The following UBAP2L variants were observed in gnomAD, a reference collection of about 807,000 sequenced individuals.
UBAP2L encodes the protein ubiquitin-associated protein 2-like.
Under a neutral mutation model 130.6 loss-of-function variants are expected in UBAP2L, and 12 were observed. That is an observed-to-expected ratio of 0.09 (90% CI 0.06 to 0.15). The LOEUF is 0.15. Ranked by LOEUF, UBAP2L falls within the 10% of genes least tolerant of loss-of-function variation. UBAP2L has a pLI of 1.00. For missense variants in UBAP2L, 965 were observed against 1,332.5 expected (o/e 0.72, Z 4.29); for synonymous variants, 503 against 524.7 (o/e 0.96, Z 0.57).
chr1:154,236,533 ATC>A, intron 6 of UBAP2L, 31 bp from the exon 7 acceptor site: 1 of 1,612,960 alleles, frequency 6.2e-7, no homozygotes, highest in Non-Finnish European at 8.5e-7. Flanking sequence ...TCTAAAATAC[ATC>A]TCTCTTCTCT....
At position 154,257,044 on chromosome 1, in the gene UBAP2L, A is replaced by G. The variant is rs1322690106; in HGVS notation, c.2158-19A>G. 1.9e-6 allele frequency: 3 copies of G among 1,607,610 alleles called. No individual in the cohort carries two copies. Among genetic ancestry groups the G allele is most frequent in the Admixed American group, 3.3e-5 (2 of 59,768 alleles). On this transcript the variant is annotated intron_variant, in intron 18 of 26. Coordinates refer to ENST00000428931, the MANE Select transcript of UBAP2L (RefSeq NM_014847.4). Reference sequence around the variant, plus strand: ...GATCTCTTTTCTTCTTCTCTCTTCCACTGCTCCCCCTTTTGAAGCACACAA... The same window carrying G: ...GATCTCTTTTCTTCTTCTCTCTTCCGCTGCTCCCCCTTTTGAAGCACACAA...
upstream of UBAP2L, chr1:154,220,467 C>T (rs1256161601): frequency 1.4e-5 from 22 of 1,599,012 alleles, no homozygotes; most frequent in Non-Finnish European, 1.9e-5. Flanking sequence ...CTGGTCAGCC[C>T]AGGCTCCGCC....
chr1:154,261,238 T>C lies in UBAP2L; in HGVS notation c.2796+129T>C, dbSNP rs534250443. ...AACAGTTTCCACCTCTGGCCTGTTTTTGGCCTGATGCAGGGTGGTGGGGGA... is the reference window on the plus strand; with the variant it reads ...AACAGTTTCCACCTCTGGCCTGTTTCTGGCCTGATGCAGGGTGGTGGGGGA... On this transcript the variant is annotated intron_variant, in intron 23 of 26. Transcript: ENST00000428931. The C allele has an allele frequency of 1.5e-4, 168 of 1,108,178 alleles. No homozygotes were observed. In the East Asian group the frequency reaches 4.3e-3, roughly 28 times the overall value. 68.6% of individuals were successfully genotyped at this position (1,108,178 alleles called of 1,614,324 possible).
At chr1:154,254,690 A>G in intron 15 of UBAP2L, 146 bp from the exon 16 acceptor site, 5 of 890,582 alleles carry the variant, frequency 5.6e-6, no homozygotes, top group South Asian at 1.7e-5. Flanking sequence ...GATAGTCTAC[A>G]TTGTATTAAT....
Position 154,257,251 on chromosome 1 carries a change from G to T in UBAP2L, c.2346G>T (p.Thr782=). 1.2e-6 allele frequency: 2 copies of T among 1,614,218 alleles called. No homozygotes were observed. Among genetic ancestry groups the T allele is most frequent in the Non-Finnish European group, 1.7e-6 (2 of 1,180,024 alleles). The change falls in exon 19 of 27, where the codon ACG becomes ACT. Residue 782 remains threonine (T), a synonymous_variant. Transcript: ENST00000428931. ...VTASTRSSVA[T]TSGKAPPNLP... Reference sequence around the variant, plus strand: ...CCTCGACTCGAAGCTCAGTTGCTACGACTTCAGGTAGCCTTGCATAAGCAG... The same window carrying T: ...CCTCGACTCGAAGCTCAGTTGCTACTACTTCAGGTAGCCTTGCATAAGCAG...
intron 12 of UBAP2L, 36 bp from the exon 13 acceptor site, chr1:154,251,005 C>G (rs1453481597): frequency 6.4e-7 from 1 of 1,571,518 alleles, no homozygotes; most frequent in Middle Eastern, 1.7e-4. Context: ...GATTCATTAG[C>G]ATCTCTGGCT....
At chr1:154,220,554 A>G, upstream of UBAP2L, 1 of 773,246 alleles carries the variant, frequency 1.3e-6, no homozygotes, top group Non-Finnish European at 2.2e-6. Context: ...ACCCGGCCTG[A>G]AAACATGGCG....
chr1:154,226,237 C>T (rs1280382873), intron 2 of UBAP2L, among the ~76,000 whole-genome samples: 1 of 152,212 alleles, frequency 6.6e-6, no homozygotes, highest in Non-Finnish European at 1.5e-5. Context: ...TTATTCCTTT[C>T]CCATGAGGAG....
chr1:154,222,372 A>G (rs1318255546), intron 1 of UBAP2L, among the ~76,000 whole-genome samples: 1 of 152,210 alleles, frequency 6.6e-6, no homozygotes, highest in Non-Finnish European at 1.5e-5. Context: ...GAATTAAAAC[A>G]TTTTGGCTGT....
At chr1:154,226,932 C>G (rs985451797) in intron 2 of UBAP2L, among the ~76,000 whole-genome samples, 1 of 152,216 alleles carries the variant, frequency 6.6e-6, no homozygotes, top group African/African-American at 2.4e-5. Flanking sequence ...AAGCAATTCT[C>G]CTGCCTCAGC....
At chr1:154,229,105 T>TTTTTA (rs57728113) in intron 4 of UBAP2L, among the ~76,000 whole-genome samples, 8,140 of 151,806 alleles carry the variant, frequency 0.054, 725 homozygotes, top group African/African-American at 0.18. Context: ...TTTTTTTTTC[T>TTTTTA]TTTTATTTTA....
chr1:154,263,222 C>T, intron 24 of UBAP2L: 1 of 1,548,234 alleles, frequency 6.5e-7, no homozygotes, highest in South Asian at 1.2e-5. Context: ...GTTTCAGAAA[C>T]CAGACCACTG....
intron 22 of UBAP2L, 77 bp downstream of exon 22, chr1:154,260,106 A>G (rs1176405813): frequency 6.9e-7 from 1 of 1,453,294 alleles, no homozygotes; most frequent in Non-Finnish European, 9.7e-7. Context: ...ATTGGTAGCA[A>G]GAAGGGATGT....
In UBAP2L at chr1:154,251,193, C is replaced by T. The variant is rs1677489893; in HGVS notation, c.1366C>T (p.Leu456=). The T allele has an allele frequency of 6.2e-7, 1 of 1,614,172 alleles. No homozygotes were observed. The highest frequency in any genetic ancestry group is 1.3e-5 in the African/African-American group (1 of 75,050). The change falls in exon 13 of 27, where the codon CTG becomes TTG. Residue 456 remains leucine (L), a synonymous_variant. Transcript: ENST00000428931. ...TAAPPPPSSP[L]PSKSTSAPQM... ...TGCACCTCCACCTCCGTCTTCTCCT[C>T]TGCCAAGCAAATCCACATCGGCTCC...
At chr1:154,265,563 A>G (rs1260854639) in intron 24 of UBAP2L, among the ~76,000 whole-genome samples, 1 of 152,156 alleles carries the variant, frequency 6.6e-6, no homozygotes, top group African/African-American at 2.4e-5. Flanking sequence ...TATTTATTTC[A>G]TGGCTTTTCC....
At position 154,255,740 on chromosome 1, in the gene UBAP2L, G is replaced by A. The variant is rs780715387; in HGVS notation, c.2142G>A (p.Ser714=). The part of the protein sequence containing the change: ...LSSSTSSGRT[S]TSTLLHTSVE... The stretch of plus-strand genomic sequence containing the variant: ...CATCAACATCTTCTGGGCGCACTTC[G>A]ACATCCACTCTTTTGGTAAGTGTGA... Residue 714 remains serine (S), a synonymous_variant, in exon 18 of 27, where the codon TCG becomes TCA. Transcript: ENST00000428931. 28 of 1,613,998 alleles carry A rather than the reference G, an allele frequency of 1.7e-5. No homozygotes were observed. Among genetic ancestry groups the A allele is most frequent in the Admixed American group, 3.3e-5 (2 of 59,996 alleles).
chr1:154,238,728 A>AT (rs58465446), intron 8 of UBAP2L, among the ~76,000 whole-genome samples: 11 of 150,126 alleles, frequency 7.3e-5, no homozygotes, highest in Admixed American at 2.7e-4. Flanking sequence ...ATTGTCATTA[A>AT]TTTTTTTTTT....
intron 7 of UBAP2L, 110 bp from the exon 8 acceptor site, chr1:154,236,914 G>A: frequency 2.4e-6 from 2 of 821,418 alleles, no homozygotes; most frequent in Non-Finnish European, 4.0e-6. Flanking sequence ...ATAGAATGGG[G>A]CCATGACAGA....
chr1:154,268,323 C>G (rs546630520), intron 25 of UBAP2L, among the ~76,000 whole-genome samples: 1 of 151,822 alleles, frequency 6.6e-6, no homozygotes, highest in Non-Finnish European at 1.5e-5. Flanking sequence ...TCCCAAGTAG[C>G]TGGATTACAG....
Sources: gnomAD v4.1 joint callset for allele counts (sites outside exome capture counted in the v4.1 genomes callset) on GRCh38, gnomAD v4.1.1 for gene constraint, MANE v1.5 for transcripts, NCBI Gene and HGNC (gene_info 2026-07-23, HGNC 2026-07-21) for gene names.